PRDM16: variants seen among roughly 807,000 people sequenced by gnomAD.
PRDM16 encodes histone-lysine N-methyltransferase PRDM16.
A neutral mutation model predicts 110.6 loss-of-function variants in PRDM16; 23 were observed. The ratio of observed to expected loss-of-function variants is 0.21; its 90% confidence interval spans 0.15 to 0.29. The LOEUF (loss-of-function observed/expected upper bound fraction) is 0.29, where lower values mean the gene tolerates loss of function less well. Among genes scored for constraint, PRDM16 ranks in the 10% least tolerant of loss-of-function variants. The pLI is 1.00. For synonymous variants in PRDM16, 799 were observed against 781.8 expected, an observed-to-expected ratio of 1.02 and a Z score of -0.37; for missense variants, 1,615 against 1,794.3, an observed-to-expected ratio of 0.90 and a Z score of 1.81.
intron 3 of PRDM16, among the ~76,000 whole-genome samples, chr1:3,348,235 C>G (rs895688767): frequency 6.6e-6 from 1 of 152,178 alleles, no homozygotes; most frequent in Admixed American, 6.5e-5. Context: ...GGATGAGGCT[C>G]GCTGGCTCAG....
intron 3 of PRDM16, among the ~76,000 whole-genome samples, chr1:3,292,099 C>T (rs1484309392): frequency 6.6e-6 from 1 of 152,264 alleles, no homozygotes; most frequent in Non-Finnish European, 1.5e-5. Flanking sequence ...TTTTCTGGGC[C>T]CACAGGCCTT....
intron 1 of PRDM16, among the ~76,000 whole-genome samples, chr1:3,129,103 C>T (rs1396006451): frequency 1.3e-5 from 2 of 150,270 alleles, no homozygotes; most frequent in Non-Finnish European, 3.0e-5. Flanking sequence ...GGCTGGTGTG[C>T]GTGCATGGGT....
chr1:3,313,627 C>T (rs866395587), intron 3 of PRDM16, among the ~76,000 whole-genome samples: 14 of 152,358 alleles, frequency 9.2e-5, no homozygotes, highest in Middle Eastern at 3.4e-3. Context: ...CCTGCGAGGC[C>T]GTGCGGACCC....
intron 11 of PRDM16, 144 bp downstream of exon 11, chr1:3,418,141 A>C: frequency 1.4e-6 from 1 of 719,074 alleles, no homozygotes; most frequent in Non-Finnish European, 2.3e-6. Flanking sequence ...TATCTGCTTG[A>C]GGTCATGCTT....
intron 2 of PRDM16, among the ~76,000 whole-genome samples, chr1:3,196,877 G>A (rs1638492454): frequency 1.3e-5 from 2 of 152,212 alleles, no homozygotes. Flanking sequence ...AGCCTTTCCT[G>A]ACCACAGGCC....
At chr1:3,266,438 CCT>C (rs1043846168) in intron 3 of PRDM16, among the ~76,000 whole-genome samples, 10 of 152,178 alleles carry the variant, frequency 6.6e-5, no homozygotes, top group Non-Finnish European at 1.3e-4. Flanking sequence ...ATTCTCTCCC[CCT>C]GAGAGCCCCA....
intron 3 of PRDM16, among the ~76,000 whole-genome samples, chr1:3,380,851 G>A (rs1001247144): frequency 6.6e-6 from 1 of 152,224 alleles, no homozygotes; most frequent in Non-Finnish European, 1.5e-5. Flanking sequence ...TACACTGGCT[G>A]CCTAGGAGCA....
intron 3 of PRDM16, among the ~76,000 whole-genome samples, chr1:3,301,356 A>G (rs1023044349): frequency 3.3e-5 from 5 of 151,870 alleles, no homozygotes; most frequent in Admixed American, 1.3e-4. Context: ...AAAAGAAAAA[A>G]AAAAAGGAAG....
At chr1:3,183,243 G>A (rs1557511878) in intron 1 of PRDM16, among the ~76,000 whole-genome samples, 1 of 152,198 alleles carries the variant, frequency 6.6e-6, no homozygotes, top group Non-Finnish European at 1.5e-5. Context: ...AGAGGGTCGG[G>A]CAGCCTCCTG....
rs954374139 is a variant in PRDM16 at position 3,188,587 on chromosome 1, C to T, written c.387+2113C>T. On this transcript the variant is annotated intron_variant, in intron 2 of 16. Coordinates refer to ENST00000270722, the MANE Select transcript of PRDM16 (RefSeq NM_022114.4). Reference sequence around the variant, plus strand: ...ACCTGACAGATACCCCTCCTGCCGGCGCTTAGAAATATTTACTCTCCCCCC... The same window carrying T: ...ACCTGACAGATACCCCTCCTGCCGGTGCTTAGAAATATTTACTCTCCCCCC... Among the ~76,000 whole-genome samples, 134 of 152,314 alleles carry T rather than the reference C, an allele frequency of 8.8e-4. 1 individual carries two copies. Among genetic ancestry groups the T allele is most frequent in the East Asian group, 3.9e-4 (2 of 5,170 alleles).
chr1:3,082,851 T>C (rs760570), intron 1 of PRDM16, among the ~76,000 whole-genome samples: 136,953 of 152,264 alleles, frequency 0.9, 61,869 homozygotes, highest in East Asian at 1. Context: ...GCCTGGGTGC[T>C]GCGTGGGAGC....
At chr1:3,215,257 G>A (rs1183949484) in intron 2 of PRDM16, among the ~76,000 whole-genome samples, 6 of 151,222 alleles carry the variant, frequency 4.0e-5, no homozygotes, top group South Asian at 2.1e-4. Context: ...AGAACAGAGC[G>A]GAACCCGACC....
intron 2 of PRDM16, among the ~76,000 whole-genome samples, chr1:3,235,155 G>A (rs943911620): frequency 2.0e-5 from 3 of 152,206 alleles, no homozygotes; most frequent in Admixed American, 6.5e-5. Flanking sequence ...GCCCTGCGAG[G>A]CCGCCCAGCC....
intron 1 of PRDM16, among the ~76,000 whole-genome samples, chr1:3,129,158 G>A (rs1211827286): frequency 6.7e-6 from 1 of 149,036 alleles, no homozygotes. Flanking sequence ...GCGTGCGTGT[G>A]TGGGTGGGTG....
intron 1 of PRDM16, among the ~76,000 whole-genome samples, chr1:3,075,820 A>T (rs1186096422): frequency 1.3e-5 from 2 of 152,288 alleles, no homozygotes; most frequent in East Asian, 3.9e-4. Flanking sequence ...TTCTGGCCTG[A>T]ACCCCACTCG....
intron 3 of PRDM16, among the ~76,000 whole-genome samples, chr1:3,266,402 G>T (rs1640294138): frequency 6.6e-6 from 1 of 152,082 alleles, no homozygotes; most frequent in South Asian, 2.1e-4. Flanking sequence ...AGAGCCCCTC[G>T]CACTTACCTC....
intron 1 of PRDM16, among the ~76,000 whole-genome samples, chr1:3,091,434 C>T (rs776114985): frequency 2.6e-5 from 4 of 152,198 alleles, no homozygotes; most frequent in Non-Finnish European, 5.9e-5. Flanking sequence ...TGGCAACGCT[C>T]AGCTTTTCAG....
intron 3 of PRDM16, among the ~76,000 whole-genome samples, chr1:3,363,680 G>A (rs1289959250): frequency 6.6e-6 from 1 of 152,070 alleles, no homozygotes; most frequent in Non-Finnish European, 1.5e-5. Flanking sequence ...CACAGTGGCC[G>A]GGGGGCAGGT....
intron 3 of PRDM16, among the ~76,000 whole-genome samples, chr1:3,301,531 C>T (rs1053345162): frequency 4.6e-5 from 7 of 152,296 alleles, no homozygotes; most frequent in African/African-American, 1.7e-4. Flanking sequence ...TAAAAGAAGA[C>T]GTCTCGGTGA....
Sources: allele counts gnomAD v4.1 joint callset (sites outside exome capture counted in the v4.1 genomes callset), GRCh38; gene constraint gnomAD v4.1.1; transcripts MANE v1.5; gene names NCBI Gene and HGNC (gene_info 2026-07-23, HGNC 2026-07-21).